CSGALNACT1: variants seen among roughly 807,000 people sequenced by gnomAD.
CSGALNACT1 encodes the protein chondroitin sulfate N-acetylgalactosaminyltransferase 1.
A neutral mutation model predicts 51.0 loss-of-function variants in CSGALNACT1; 52 were observed. The observed-to-expected ratio is 1.02, with a 90% CI of 0.82 to 1.29. The LOEUF (loss-of-function observed/expected upper bound fraction) is 1.29, where lower values mean the gene tolerates loss of function less well. Ranked by LOEUF, CSGALNACT1 falls within the 50% of genes most tolerant of loss-of-function variation. CSGALNACT1 has a pLI of 0.00. For synonymous variants in CSGALNACT1, 341 were observed against 254.4 expected (o/e 1.34, Z -3.24); for missense variants, 935 against 679.2 (o/e 1.38, Z -4.19).
At chr8:19,544,615 T>C (rs1473696147) in intron 3 of CSGALNACT1, among the ~76,000 whole-genome samples, 2 of 152,176 alleles carry the variant, frequency 1.3e-5, no homozygotes, top group South Asian at 4.1e-4. Context: ...TGGAGAGGAT[T>C]TGAAACTGCC....
chr8:19,444,544 T>C (rs536545427), intron 5 of CSGALNACT1, among the ~76,000 whole-genome samples: 93 of 152,302 alleles, frequency 6.1e-4, no homozygotes, highest in Admixed American at 2.2e-3. Flanking sequence ...GTGCTTCCAT[T>C]TGGTTTCTTT....
intron 1 of CSGALNACT1, among the ~76,000 whole-genome samples, chr8:19,647,290 C>T (rs1029256043): frequency 2.0e-5 from 3 of 152,128 alleles, no homozygotes; most frequent in Admixed American, 6.6e-5. Flanking sequence ...AATGGCTCAT[C>T]CCTGTATTCC....
intron 1 of CSGALNACT1, among the ~76,000 whole-genome samples, chr8:19,690,742 G>A (rs61232961): frequency 0.043 from 6,475 of 152,216 alleles, 487 homozygotes; most frequent in African/African-American, 0.15. Context: ...GGAAGGAGGG[G>A]GTGTGTTATC....
intron 4 of CSGALNACT1, chr8:19,494,921 A>T (rs2075175442): frequency 6.6e-6 from 1 of 152,092 alleles, no homozygotes; most frequent in African/African-American, 2.4e-5. Flanking sequence ...GGTAGGATTT[A>T]GGCAGCTATT....
At chr8:19,646,158 G>A (rs941862963) in intron 1 of CSGALNACT1, among the ~76,000 whole-genome samples, 13 of 152,056 alleles carry the variant, frequency 8.5e-5, no homozygotes, top group Non-Finnish European at 1.5e-4. Context: ...GACAAAAATC[G>A]ATATTACTCA....
At chr8:19,695,554 T>C (rs1402411918) in intron 1 of CSGALNACT1, among the ~76,000 whole-genome samples, 1 of 152,198 alleles carries the variant, frequency 6.6e-6, no homozygotes, top group African/African-American at 2.4e-5. Context: ...ACCTAAGAAA[T>C]GCATATTTTA....
intron 8 of CSGALNACT1, among the ~76,000 whole-genome samples, chr8:19,415,478 G>A (rs1053739844): frequency 3.3e-5 from 5 of 152,184 alleles, no homozygotes; most frequent in Admixed American, 6.5e-5. Context: ...AGAGGCTGCA[G>A]GATAATTCAC....
In CSGALNACT1 at chr8:19,739,608, G is replaced by T. The variant is rs76673326; in HGVS notation, c.-297+18242C>A. The stretch of plus-strand genomic sequence containing the variant: ...TGGCTAATAAGCAAAAATGTTAGGT[G>T]GGGCATCCCAAAAGTCTCCTTAAAT... On this transcript the variant is annotated intron_variant, in intron 1 of 1. Coordinates refer to the CSGALNACT1 transcript ENST00000517494. 2.3e-3 allele frequency among the ~76,000 whole-genome samples: 345 copies of T among 152,266 alleles called. 2 individuals are homozygous for T. The highest frequency in any genetic ancestry group is 7.9e-3 in the African/African-American group (328 of 41,564).
intron 4 of CSGALNACT1, among the ~76,000 whole-genome samples, chr8:19,483,945 T>C (rs566385213): frequency 5.9e-5 from 9 of 152,248 alleles, no homozygotes; most frequent in South Asian, 2.1e-4. Flanking sequence ...CAGCAGTCAA[T>C]TGAGGTCCAA....
intron 1 of CSGALNACT1, among the ~76,000 whole-genome samples, chr8:19,693,717 C>T (rs1013628015): frequency 6.6e-6 from 1 of 152,110 alleles, no homozygotes; most frequent in Non-Finnish European, 1.5e-5. Flanking sequence ...TGCCCTGACA[C>T]CAACCCAAGC....
chr8:19,647,546 T>C (rs569294053), intron 1 of CSGALNACT1, among the ~76,000 whole-genome samples: 83 of 152,346 alleles, frequency 5.4e-4, no homozygotes, highest in Middle Eastern at 3.4e-3. Flanking sequence ...AGTGATCACC[T>C]GCCAAATGGA....
intron 1 of CSGALNACT1, among the ~76,000 whole-genome samples, chr8:19,693,687 G>T (rs1006274687): frequency 6.6e-6 from 1 of 151,886 alleles, no homozygotes; most frequent in Admixed American, 6.6e-5. Flanking sequence ...AACCAGTTTT[G>T]ATACCAGTTC....
intron 3 of CSGALNACT1, among the ~76,000 whole-genome samples, chr8:19,524,510 A>T (rs977788905): frequency 1.3e-5 from 2 of 152,140 alleles, no homozygotes; most frequent in African/African-American, 4.8e-5. Context: ...GGCAAGGTGA[A>T]AATACAATGA....
intron 1 of CSGALNACT1, among the ~76,000 whole-genome samples, chr8:19,634,633 G>T (rs2055765042): frequency 6.6e-6 from 1 of 152,166 alleles, no homozygotes; most frequent in Non-Finnish European, 1.5e-5. Flanking sequence ...CTGTATTCCA[G>T]CCTGGGCAAC....
At chr8:19,567,699 T>G (rs1447480225) in intron 3 of CSGALNACT1, among the ~76,000 whole-genome samples, 1 of 152,218 alleles carries the variant, frequency 6.6e-6, no homozygotes, top group Non-Finnish European at 1.5e-5. Flanking sequence ...TGTCATTATT[T>G]ACTGATGTGT....
chr8:19,557,211 C>G (rs2039660793), intron 3 of CSGALNACT1, among the ~76,000 whole-genome samples: 1 of 152,162 alleles, frequency 6.6e-6, no homozygotes. Flanking sequence ...TCATCCTACC[C>G]AGAATCTCCT....
chr8:19,512,727 C>G (rs2078696867), intron 3 of CSGALNACT1, among the ~76,000 whole-genome samples: 2 of 152,170 alleles, frequency 1.3e-5, no homozygotes, highest in Admixed American at 6.5e-5. Context: ...TCAAACCCAT[C>G]TTTGACTTGA....
At chr8:19,520,896 G>C (rs2080532825) in intron 3 of CSGALNACT1, among the ~76,000 whole-genome samples, 1 of 152,236 alleles carries the variant, frequency 6.6e-6, no homozygotes. Flanking sequence ...GGGGTCTCTA[G>C]TCCGGTGTTG....
intron 1 of CSGALNACT1, among the ~76,000 whole-genome samples, chr8:19,622,636 A>C (rs114580303): frequency 0.011 from 1,687 of 152,310 alleles, 32 homozygotes; most frequent in African/African-American, 0.038. Flanking sequence ...TGCATTGTCC[A>C]GGAAGTGGTA....
Sources: gnomAD v4.1 joint callset for allele counts (sites outside exome capture counted in the v4.1 genomes callset) on GRCh38, gnomAD v4.1.1 for gene constraint, MANE v1.5 for transcripts, NCBI Gene and HGNC (gene_info 2026-07-23, HGNC 2026-07-21) for gene names.